The following MEIS3 variants were observed in gnomAD, a reference collection of about 807,000 sequenced individuals.
The protein encoded by MEIS3 is homeobox protein Meis3.
In MEIS3, 38 loss-of-function variants were observed where a neutral mutation model predicts 51.4. The observed-to-expected ratio is 0.74, with a 90% CI of 0.57 to 0.97. The LOEUF (loss-of-function observed/expected upper bound fraction) is 0.97. Ranked by LOEUF, MEIS3 falls within the 50% of genes least tolerant of loss-of-function variation. The probability of loss-of-function intolerance (pLI) is 0.00; values close to 1 mark genes in which losing one functional copy is unlikely to be tolerated. For missense variants in MEIS3, 456 were observed against 502.6 expected (o/e 0.91, Z 0.89); for synonymous variants, 198 against 201.8 (o/e 0.98, Z 0.16).
chr19:47,418,923 G>C, intron 1 of MEIS3, 147 bp downstream of exon 1: 1 of 454,784 alleles, frequency 2.2e-6, no homozygotes, highest in Non-Finnish European at 3.6e-6. Flanking sequence ...GGGACTGGGA[G>C]ACCCAGGGGC....
intron 12 of MEIS3, among the ~76,000 whole-genome samples, chr19:47,404,109 C>A (rs1169799536): frequency 6.6e-6 from 1 of 152,016 alleles, no homozygotes; most frequent in Non-Finnish European, 1.5e-5. Flanking sequence ...GAGGCTGAGG[C>A]CAGAGGATCG....
Position 47,416,568 on chromosome 19 carries a change from A to AC in MEIS3, c.396+83dup, listed in dbSNP as rs564967551. ...ATGGACCAGGTGGCCTTCTCTCTGC[A>AC]CCCCCCCCACCAACCCCAGGGATGG... On this transcript the variant is annotated intron_variant, in intron 4 of 12. Transcript: ENST00000558555. The AC allele has an allele frequency of 9.9e-4, 1,158 of 1,163,982 alleles. 2 individuals are homozygous for AC. The African/African-American group carries it at 0.01, about 10-fold the overall frequency. 72.1% of individuals were successfully genotyped at this position (1,163,982 alleles called of 1,614,324 possible).
At chr19:47,420,409 C>G (rs1355401669), upstream of MEIS3, among the ~76,000 whole-genome samples, 3 of 141,638 alleles carry the variant, frequency 2.1e-5, no homozygotes, top group Non-Finnish European at 3.0e-5. Flanking sequence ...CCTCATCTGA[C>G]GGCCAGTGGT....
intron 4 of MEIS3, 102 bp downstream of exon 4, chr19:47,416,550 A>T: frequency 1.1e-6 from 1 of 895,750 alleles, no homozygotes; most frequent in South Asian, 1.8e-5. Context: ...GACATGGACC[A>T]GGTGGCCTTC....
chr19:47,407,095 A>T lies in MEIS3; in HGVS notation c.978T>A (p.Asp326Glu), dbSNP rs1970866453. 1 of 1,611,510 alleles carries T rather than the reference A, an allele frequency of 6.2e-7. No individual in the cohort carries two copies. The highest frequency in any genetic ancestry group is 1.3e-5 in the African/African-American group (1 of 74,870). ...CCCCTGTACCTGTGCGGTTGGATTG[A>T]TCGATCATAGGTTGCACGATGCGTC... ...ARRRIVQPMI[D>E]QSNRTGQGAA... The change falls in exon 10 of 13, where the codon GAT becomes GAA. Residue 326 changes from aspartate (D) to glutamate (E), a missense_variant. Coordinates refer to ENST00000558555, the MANE Select transcript of MEIS3 (RefSeq NM_001301059.2).
chr19:47,418,555 C>T (rs1226996002), intron 1 of MEIS3: 1 of 152,356 alleles, frequency 6.6e-6, no homozygotes. Flanking sequence ...CCACCCCTGT[C>T]CCACTCCTAG....
intron 4 of MEIS3, among the ~76,000 whole-genome samples, chr19:47,415,420 T>C (rs1325414239): frequency 3.3e-5 from 5 of 152,014 alleles, no homozygotes; most frequent in East Asian, 1.9e-4. Context: ...CCTCTGCCTG[T>C]TGGCCCCCAG....
At chr19:47,419,963 G>A (rs1971645877), upstream of MEIS3, among the ~76,000 whole-genome samples, 1 of 152,138 alleles carries the variant, frequency 6.6e-6, no homozygotes, top group Admixed American at 6.5e-5. Flanking sequence ...CCCCTCTGCA[G>A]GATGGGCAGT....
At chr19:47,411,537 CTTTTCTT>C (rs1568424243) in intron 6 of MEIS3, among the ~76,000 whole-genome samples, 5 of 86,952 alleles carry the variant, frequency 5.8e-5, no homozygotes, top group African/African-American at 7.2e-5. Flanking sequence ...TTATCTTTTT[CTTTTCTT>C]TTTTTTTTTT....
chr19:47,410,676 G>T (rs1247508833), intron 6 of MEIS3, among the ~76,000 whole-genome samples: 8 of 152,036 alleles, frequency 5.3e-5, no homozygotes, highest in Non-Finnish European at 8.8e-5. Flanking sequence ...TGAGGCAGGA[G>T]AATGGCATGA....
intron 1 of MEIS3, 155 bp downstream of exon 1, chr19:47,418,915 G>C (rs1280111592): frequency 1.6e-5 from 7 of 433,926 alleles, no homozygotes; most frequent in Non-Finnish European, 2.7e-5. Flanking sequence ...GGCACACAGG[G>C]ACTGGGAGAC....
At chr19:47,413,436 G>A (rs1459021297) in intron 6 of MEIS3, among the ~76,000 whole-genome samples, 1 of 152,066 alleles carries the variant, frequency 6.6e-6, no homozygotes, top group Non-Finnish European at 1.5e-5. Flanking sequence ...GTGTCTGGGT[G>A]GGTCTGGCTG....
chr19:47,419,215 C>A lies in MEIS3; in HGVS notation c.-134G>T, dbSNP rs994670193. ...GGGCAGGAGGCCAGGCGCGCGCCCC[C>A]CCACCCCCGCCGCCGTCAGCGGCAG... On this transcript the variant is annotated 5_prime_UTR_variant, in exon 1 of 13. Coordinates refer to ENST00000558555, the MANE Select transcript of MEIS3 (RefSeq NM_001301059.2). 3.8e-6 allele frequency: 2 copies of A among 528,224 alleles called. No homozygotes were observed. The highest frequency in any genetic ancestry group is 5.6e-6 in the Non-Finnish European group (2 of 355,860). The allele number at this position is 528,224 out of a possible 1,614,324, so 32.7% of individuals were successfully genotyped here.
intron 12 of MEIS3, among the ~76,000 whole-genome samples, chr19:47,403,851 C>T (rs766334997): frequency 7.3e-5 from 11 of 151,538 alleles, no homozygotes; most frequent in Admixed American, 1.3e-4. Context: ...TCAGAGAGAA[C>T]GACATGGGAA....
chr19:47,417,085 C>A, intron 2 of MEIS3, 93 bp downstream of exon 2: 3 of 1,536,122 alleles, frequency 2.0e-6, no homozygotes, highest in East Asian at 2.3e-5. Flanking sequence ...GACAGAGACT[C>A]GTACACAGAG....
At chr19:47,406,164 G>C (rs970617759) in intron 12 of MEIS3, 23 of 296,790 alleles carry the variant, frequency 7.7e-5, no homozygotes, top group Non-Finnish European at 1.4e-4. Flanking sequence ...TAGGTGGGTG[G>C]ACTAGGTTTG....
At chr19:47,410,175 C>G (rs933014673) in intron 6 of MEIS3, among the ~76,000 whole-genome samples, 1 of 152,028 alleles carries the variant, frequency 6.6e-6, no homozygotes, top group Non-Finnish European at 1.5e-5. Flanking sequence ...GGCTTGGGCA[C>G]AGTGGCTCAC....
intron 1 of MEIS3, chr19:47,417,782 T>C: frequency 4.7e-6 from 3 of 634,498 alleles, no homozygotes; most frequent in Non-Finnish European, 8.5e-6. Flanking sequence ...CATTTCACAG[T>C]TGGCAGATAA....
chr19:47,409,883 T>A (rs1599808411), intron 6 of MEIS3, among the ~76,000 whole-genome samples: 1 of 148,054 alleles, frequency 6.8e-6, no homozygotes. Flanking sequence ...AAAAAGTTAG[T>A]GCCAAGGCTT....
Sources: gnomAD v4.1 joint callset for allele counts (sites outside exome capture counted in the v4.1 genomes callset) on GRCh38, gnomAD v4.1.1 for gene constraint, MANE v1.5 for transcripts, NCBI Gene and HGNC (gene_info 2026-07-23, HGNC 2026-07-21) for gene names.